Variants in AFF3 observed in about 807,000 individuals in gnomAD.
The protein encoded by AFF3 is AF4/FMR2 family member 3.
AFF3 carries 32 observed loss-of-function variants against 129.7 expected under a neutral mutation model. The ratio of observed to expected loss-of-function variants is 0.25; its 90% CI spans 0.19 to 0.33. The LOEUF (loss-of-function observed/expected upper bound fraction) is 0.33. Among genes scored for constraint, AFF3 ranks in the 10% least tolerant of loss-of-function variants. AFF3 has a pLI of 1.00. For synonymous variants in AFF3, 644 were observed against 635.4 expected, an observed-to-expected ratio of 1.01 and a Z score of -0.20; for missense variants, 1,373 against 1,592.0, an observed-to-expected ratio of 0.86 and a Z score of 2.34.
rs191475765 is a variant in AFF3 at position 99,917,875 on chromosome 2, C to T, written c.874-80351G>A. Among the ~76,000 whole-genome samples, 37 of 151,890 alleles carry T rather than the reference C, an allele frequency of 2.4e-4. 1 individual carries two copies. Among genetic ancestry groups the T allele is most frequent in the East Asian group, 1.9e-4 (1 of 5,158 alleles). On this transcript the variant is annotated intron_variant, in intron 7 of 24. Transcript: ENST00000672756. The stretch of plus-strand genomic sequence containing the variant: ...TGCATTATCTGCCCTGCGAACAGTG[C>T]GCAAAAAAATTCTGTTGGGTATTTA...
At chr2:99,727,490 T>G (rs1183513843) in intron 10 of AFF3, among the ~76,000 whole-genome samples, 1 of 152,184 alleles carries the variant, frequency 6.6e-6, no homozygotes, top group Non-Finnish European at 1.5e-5. Flanking sequence ...CCAAGGCACT[T>G]TGAACTTTGA....
rs1696646682 is a variant in AFF3, at chr2:99,931,157, G to GT, written c.873+75474dup. Among the ~76,000 whole-genome samples, 4 of 152,304 alleles carry GT rather than the reference G, an allele frequency of 2.6e-5. No individual in the cohort carries two copies. The South Asian group carries it at 8.3e-4, about 32-fold the overall frequency. ...AAATTAGCAAAATGATGAAATAAAT[G>GT]TAAGGACCCCCTTCCCATCTCATTA... On this transcript the variant is annotated intron_variant, in intron 7 of 24. Coordinates refer to ENST00000672756, the MANE Select transcript of AFF3 (RefSeq NM_001386135.1).
At chr2:99,929,364 A>G (rs914292156) in intron 7 of AFF3, among the ~76,000 whole-genome samples, 1 of 146,984 alleles carries the variant, frequency 6.8e-6, no homozygotes, top group African/African-American at 2.6e-5. Context: ...AAAAAGGCTT[A>G]GCAAGGGTGA....
chr2:99,592,509 G>C (rs189490132), intron 15 of AFF3, among the ~76,000 whole-genome samples: 1 of 152,366 alleles, frequency 6.6e-6, no homozygotes, highest in Non-Finnish European at 1.5e-5. Context: ...ATTCCTGCCA[G>C]CAAAGAGTGA....
chr2:99,967,794 C>T (rs1412120942), intron 7 of AFF3, among the ~76,000 whole-genome samples: 1 of 152,244 alleles, frequency 6.6e-6, no homozygotes, highest in Non-Finnish European at 1.5e-5. Context: ...ATGACTCTCA[C>T]ACAGCCACTT....
intron 8 of AFF3, among the ~76,000 whole-genome samples, chr2:99,759,826 G>A (rs756044436): frequency 6.6e-6 from 1 of 152,048 alleles, no homozygotes; most frequent in Non-Finnish European, 1.5e-5. Flanking sequence ...GAATTGCATG[G>A]GAAAATCAAG....
intron 10 of AFF3, among the ~76,000 whole-genome samples, chr2:99,728,460 G>A (rs535902254): frequency 6.6e-5 from 10 of 152,240 alleles, no homozygotes; most frequent in African/African-American, 2.2e-4. Flanking sequence ...TTAGCTTGTC[G>A]TCACCTAGTC....
intron 7 of AFF3, among the ~76,000 whole-genome samples, chr2:99,947,758 T>C (rs1675775805): frequency 6.6e-6 from 1 of 151,954 alleles, no homozygotes; most frequent in African/African-American, 2.4e-5. Context: ...GACGGAGGCA[T>C]TCAGGACTGG....
intron 7 of AFF3, among the ~76,000 whole-genome samples, chr2:99,895,800 G>A (rs1231871300): frequency 6.6e-6 from 1 of 152,146 alleles, no homozygotes; most frequent in Non-Finnish European, 1.5e-5. Flanking sequence ...TGGGCGTGGT[G>A]GCTCACGCCT....
Position 99,547,528 on chromosome 2 carries a change from A to G in AFF3, c.*3946T>C. The G allele has an allele frequency of 4.9e-6, 1 of 206,060 alleles. No homozygotes were observed. Among genetic ancestry groups the G allele is most frequent in the Non-Finnish European group, 9.9e-6 (1 of 100,800 alleles). 12.8% of individuals were successfully genotyped at this position (206,060 alleles called of 1,614,324 possible). A position where few individuals can be genotyped will look rare whatever the true frequency, so the allele number is the denominator to read the frequency against. On this transcript the variant is annotated 3_prime_UTR_variant, in exon 25 of 25. Coordinates refer to ENST00000672756, the MANE Select transcript of AFF3 (RefSeq NM_001386135.1). ...TTTTTTTGGTGATGCAGATTTCAAC[A>G]GTAACTCTGGAAAACTGTGAAAAAT...
intron 10 of AFF3, among the ~76,000 whole-genome samples, chr2:99,732,191 A>G (rs1490468182): frequency 6.6e-6 from 1 of 152,028 alleles, no homozygotes; most frequent in Admixed American, 6.6e-5. Flanking sequence ...CGTCTCTACT[A>G]AAAATACAAA....
At chr2:99,954,043 T>C (rs1051614703) in intron 7 of AFF3, among the ~76,000 whole-genome samples, 1 of 152,224 alleles carries the variant, frequency 6.6e-6, no homozygotes, top group Non-Finnish European at 1.5e-5. Flanking sequence ...TAAGTTGCCT[T>C]GTATACTTAT....
At chr2:99,667,622 AAAAG>A (rs1296311161) in intron 12 of AFF3, among the ~76,000 whole-genome samples, 1 of 152,240 alleles carries the variant, frequency 6.6e-6, no homozygotes, top group Non-Finnish European at 1.5e-5. Context: ...ACTGATATAA[AAAAG>A]AAAGAAGACA....
chr2:99,623,856 A>G (rs1356878921), intron 13 of AFF3, among the ~76,000 whole-genome samples: 1 of 152,240 alleles, frequency 6.6e-6, no homozygotes, highest in Non-Finnish European at 1.5e-5. Flanking sequence ...CCAGGGCAGC[A>G]GGCTGGAGCT....
chr2:99,863,091 C>G (rs1053539168), intron 7 of AFF3, among the ~76,000 whole-genome samples: 2 of 152,218 alleles, frequency 1.3e-5, no homozygotes, highest in African/African-American at 4.8e-5. Flanking sequence ...AGCTGCCCAC[C>G]TTGCTCAATA....
In AFF3 at chr2:99,752,308, G is replaced by T; in HGVS notation, c.922-7C>A. The T allele has an allele frequency of 6.2e-7, 1 of 1,612,804 alleles. No individual in the cohort carries two copies. The highest frequency in any genetic ancestry group is 8.5e-7 in the Non-Finnish European group (1 of 1,178,960). ...GTGGAAGCCAGGTCATCTCCTGAAG[G>T]ACGGGATAAAAACAAACAATATTGT... On this transcript the variant is annotated splice_polypyrimidine_tract_variant and splice_region_variant and intron_variant, in intron 8 of 24. Coordinates refer to ENST00000672756, the MANE Select transcript of AFF3 (RefSeq NM_001386135.1).
intron 4 of AFF3, among the ~76,000 whole-genome samples, chr2:100,028,324 G>T (rs1286703212): frequency 6.6e-6 from 1 of 152,128 alleles, no homozygotes; most frequent in Non-Finnish European, 1.5e-5. Context: ...AAAACTGTCA[G>T]AAATGCTCAG....
intron 2 of AFF3, among the ~76,000 whole-genome samples, chr2:100,119,243 A>T (rs1208190526): frequency 6.6e-6 from 1 of 152,184 alleles, no homozygotes; most frequent in Non-Finnish European, 1.5e-5. Context: ...CCCACAGGTA[A>T]GGCCAAAAGT....
chr2:99,554,190 G>A (rs1674696573), intron 24 of AFF3, 121 bp downstream of exon 24: 1 of 1,062,074 alleles, frequency 9.4e-7, no homozygotes, highest in Middle Eastern at 2.3e-4. Context: ...CTGATATAAT[G>A]TCAAATGAAG....
Sources: allele counts gnomAD v4.1 joint callset (sites outside exome capture counted in the v4.1 genomes callset), GRCh38; gene constraint gnomAD v4.1.1; transcripts MANE v1.5; gene names NCBI Gene and HGNC (gene_info 2026-07-23, HGNC 2026-07-21).